TH: variants seen among roughly 807,000 people sequenced by gnomAD.
TH encodes the protein tyrosine hydroxylase.
A neutral mutation model predicts 57.4 loss-of-function variants in TH; 49 were observed. The ratio of observed to expected loss-of-function variants is 0.85; its 90% CI spans 0.68 to 1.08. The LOEUF (loss-of-function observed/expected upper bound fraction) is 1.08. Ranked by LOEUF, TH falls within the 50% of genes least tolerant of loss-of-function variation. The pLI, the probability that TH is intolerant of heterozygous loss-of-function variation, is 0.00. For synonymous variants in TH, 330 were observed against 304.5 expected (o/e 1.08, Z -0.87); for missense variants, 720 against 696.7 (o/e 1.03, Z -0.38).
In TH at chr11:2,164,377, G is replaced by A. The variant is rs1590164188; in HGVS notation, c.1350C>T (p.Arg450=). ...ACTTCACGGAGAAGGGGCGCTGGAT[G>A]CGTGAGGCATAGCTCCTGGGGAGGA... The part of the protein sequence containing the change: ...AKDKLRSYAS[R]IQRPFSVKFD... Residue 450 remains arginine, a synonymous_variant, in exon 13 of 13, where the codon CGC becomes CGT. Coordinates refer to ENST00000352909, the MANE Select transcript of TH (RefSeq NM_000360.4). The A allele has an allele frequency of 3.2e-6, 5 of 1,550,964 alleles. No homozygotes were observed. The highest frequency in any genetic ancestry group is 4.4e-6 in the Non-Finnish European group (5 of 1,146,756).
At chr11:2,166,232 A>T in intron 9 of TH, 174 bp from the exon 10 acceptor site, 2 of 890,160 alleles carry the variant, frequency 2.2e-6, no homozygotes, top group Non-Finnish European at 1.8e-6. Flanking sequence ...TCCTCCAGGC[A>T]GCCCTCCTTG....
At chr11:2,168,421 C>T (rs1263822088) in intron 3 of TH, 70 bp downstream of exon 3, 1 of 1,584,406 alleles carries the variant, frequency 6.3e-7, no homozygotes, top group Non-Finnish European at 8.6e-7. Flanking sequence ...TAGGGTCCCC[C>T]TGCAGGAGCC....
rs769496834 is a variant in TH at position 2,168,510 on chromosome 11, G to T, written c.468C>A (p.Arg156=). 1 of 1,612,352 alleles carries T rather than the reference G, an allele frequency of 6.2e-7. No individual in the cohort carries two copies. Among genetic ancestry groups the T allele is most frequent in the South Asian group, 1.1e-5 (1 of 91,078 alleles). The change falls in exon 3 of 13, where the codon CGC becomes CGA. Residue 156 remains arginine (R), a synonymous_variant. Coordinates refer to ENST00000352909, the MANE Select transcript of TH (RefSeq NM_000360.4). ...SGVRQVSEDV[R]SPAGPKVPWF... Reference sequence around the variant, plus strand: ...CCTCACCCTTGGGCCCCGCGGGGCTGCGCACGTCCTCTGACACCTGGCGCA... The same window carrying T: ...CCTCACCCTTGGGCCCCGCGGGGCTTCGCACGTCCTCTGACACCTGGCGCA...
Position 2,165,996 on chromosome 11 carries a change from A to G in TH, c.1104+6T>C, listed in dbSNP as rs1329692761. The stretch of plus-strand genomic sequence containing the variant: ...CCCCAGGCCCTGCAGGGAGGGGTCA[A>G]CCCACCGTGGACAGCTTCTCAATTT... On this transcript the variant is annotated splice_donor_region_variant and intron_variant, in intron 10 of 12. Coordinates refer to ENST00000352909, the MANE Select transcript of TH (RefSeq NM_000360.4). 2 of 1,560,118 alleles carry G rather than the reference A, an allele frequency of 1.3e-6. No individual in the cohort carries two copies. Among genetic ancestry groups the G allele is most frequent in the East Asian group, 2.4e-5 (1 of 42,438 alleles).
At chr11:2,168,741 G>GGGGGGC in intron 2 of TH, 76 bp from the exon 3 acceptor site, 1 of 452,424 alleles carries the variant, frequency 2.2e-6, no homozygotes, top group Non-Finnish European at 4.5e-6. Flanking sequence ...GGTGGGCGGG[G>GGGGGGC]AGGAGGCACA....
chr11:2,169,238 C>T (rs539298403), intron 2 of TH, among the ~76,000 whole-genome samples: 65 of 151,754 alleles, frequency 4.3e-4, no homozygotes, highest in Non-Finnish European at 8.2e-4. Context: ...ACCTGCCTCC[C>T]GGGGCACAGT....
intron 10 of TH, 117 bp downstream of exon 10, chr11:2,165,885 T>G (rs1590166115): frequency 6.7e-7 from 1 of 1,487,926 alleles, no homozygotes; most frequent in Non-Finnish European, 9.2e-7. Context: ...CAGGCCAGGG[T>G]GAGGGTCACA....
chr11:2,168,739 G>GGGGGGGGT, intron 2 of TH, 74 bp from the exon 3 acceptor site: 1 of 449,654 alleles, frequency 2.2e-6, no homozygotes, highest in Non-Finnish European at 4.5e-6. Flanking sequence ...GGGGTGGGCG[G>GGGGGGGGT]GGAGGAGGCA....
chr11:2,168,329 GC>G, intron 3 of TH, 150 bp from the exon 4 acceptor site: 1 of 1,354,710 alleles, frequency 7.4e-7, no homozygotes, highest in Non-Finnish European at 1.0e-6. Context: ...GTGGCCCCAG[GC>G]CCGGACACGG....
intron 3 of TH, 150 bp downstream of exon 3, chr11:2,168,341 A>T: frequency 1.5e-6 from 2 of 1,345,032 alleles, no homozygotes; most frequent in Non-Finnish European, 2.1e-6. Flanking sequence ...CCGGACACGG[A>T]TGTGTAGCAA....
chr11:2,165,925 T>A, intron 10 of TH, 77 bp downstream of exon 10: 1 of 1,523,798 alleles, frequency 6.6e-7, no homozygotes, highest in Non-Finnish European at 8.9e-7. Flanking sequence ...GGCCTCAGCC[T>A]GGACGGCAAG....
At chr11:2,165,551 A>G (rs1286887647) in intron 11 of TH, 117 bp downstream of exon 11, 1 of 1,359,316 alleles carries the variant, frequency 7.4e-7, no homozygotes, top group African/African-American at 1.4e-5. Flanking sequence ...TCCCAAACAG[A>G]GCCTGAGTCC....
chr11:2,167,453 G>A lies in TH; in HGVS notation c.677C>T (p.Ala226Val). The A allele has an allele frequency of 6.4e-7, 1 of 1,563,950 alleles. No homozygotes were observed. Among genetic ancestry groups the A allele is most frequent in the Non-Finnish European group, 8.7e-7 (1 of 1,154,222 alleles). ...GTCTCACCAGGTGGCAATCTCCTCG[G>A]CGGTGTACTCCACACGGGGAATCGG... ...GDPIPRVEYT[A>V]EEIATWKEVY... The change falls in exon 6 of 13, where the codon GCC becomes GTC. Residue 226 changes from alanine (A) to valine (V), a missense_variant. Coordinates refer to ENST00000352909, the MANE Select transcript of TH (RefSeq NM_000360.4).
chr11:2,167,243 A>C, intron 6 of TH, 192 bp downstream of exon 6: 4 of 961,132 alleles, frequency 4.2e-6, no homozygotes, highest in Non-Finnish European at 6.2e-6. Context: ...CCCTCAGCAC[A>C]CTGGGGATGG....
chr11:2,168,424 C>T, intron 3 of TH, 67 bp downstream of exon 3: 1 of 1,592,018 alleles, frequency 6.3e-7, no homozygotes, highest in Non-Finnish European at 8.6e-7. Flanking sequence ...GGTCCCCCTG[C>T]AGGAGCCCCT....
In TH at chr11:2,164,069, G is replaced by T. The variant is rs1005587938; in HGVS notation, c.*164C>A. 3.5e-6 allele frequency: 2 copies of T among 572,450 alleles called. No homozygotes were observed. The highest frequency in any genetic ancestry group is 5.3e-6 in the Non-Finnish European group (2 of 374,958). 35.5% of individuals were successfully genotyped at this position (572,450 alleles called of 1,614,324 possible). On this transcript the variant is annotated 3_prime_UTR_variant, in exon 13 of 13. Transcript: ENST00000352909. ...CACAGGCAGCACAACCTCACCACGG[G>T]CACACACAGCTGTTGCGCTGAGAAG...
At position 2,167,005 on chromosome 11, in the gene TH, G is replaced by A; in HGVS notation, c.723C>T (p.Gly241=). Residue 241 remains glycine, a synonymous_variant, in exon 7 of 13, where the codon GGC becomes GGT. Transcript: ENST00000352909. Reference sequence around the variant, plus strand: ...CCCCGCAGGCGTGCGTGGCGTAGAGGCCCTTCAGCGTGGTGTAGACCTCCT... The same window carrying A: ...CCCCGCAGGCGTGCGTGGCGTAGAGACCCTTCAGCGTGGTGTAGACCTCCT... The part of the protein sequence containing the change: ...TWKEVYTTLK[G]LYATHACGEH... The A allele has an allele frequency of 6.3e-7, 1 of 1,588,004 alleles. No homozygotes were observed. Among genetic ancestry groups the A allele is most frequent in the Non-Finnish European group, 8.6e-7 (1 of 1,167,682 alleles).
chr11:2,171,041 C>T lies in TH; in HGVS notation c.90+656G>A, dbSNP rs1846240609. Among the ~76,000 whole-genome samples, 1 of 152,052 alleles carries T rather than the reference C, an allele frequency of 6.6e-6. No homozygotes were observed. Among genetic ancestry groups the T allele is most frequent in the South Asian group, 2.1e-4 (1 of 4,822 alleles). On this transcript the variant is annotated intron_variant, in intron 1 of 12. Coordinates refer to ENST00000352909, the MANE Select transcript of TH (RefSeq NM_000360.4). The surrounding 1 kb of genome is among the most constrained non-coding windows in gnomAD (Gnocchi z 8.6). ...AGCCTGGCCCACACAGTCCCCTGTACACAGGGCTTCCGAGTGCAGGTCACA... is the reference window on the plus strand; with the variant it reads ...AGCCTGGCCCACACAGTCCCCTGTATACAGGGCTTCCGAGTGCAGGTCACA...
intron 4 of TH, 45 bp from the exon 5 acceptor site, chr11:2,167,978 G>A (rs753414287): frequency 6.2e-7 from 1 of 1,608,920 alleles, no homozygotes; most frequent in Non-Finnish European, 8.5e-7. Flanking sequence ...GTGCTGGGGT[G>A]GGGGCACAGG....
Sources: allele counts gnomAD v4.1 joint callset (sites outside exome capture counted in the v4.1 genomes callset), GRCh38; gene constraint gnomAD v4.1.1; non-coding constraint Gnocchi (gnomAD v3.1); transcripts MANE v1.5; gene names NCBI Gene and HGNC (gene_info 2026-07-23, HGNC 2026-07-21).